The following ANO6 variants were observed in gnomAD, a reference collection of about 807,000 sequenced individuals.
The protein encoded by ANO6 is anoctamin-6.
Under a neutral mutation model 117.5 loss-of-function variants are expected in ANO6, and 106 were observed. That is an observed-to-expected ratio of 0.90 (90% CI 0.77 to 1.06). The LOEUF (loss-of-function observed/expected upper bound fraction) is 1.06. Among genes scored for constraint, ANO6 ranks in the 50% least tolerant of loss-of-function variants. The pLI is 0.00. For missense variants in ANO6, 955 were observed against 1,121.1 expected (o/e 0.85, Z 2.12); for synonymous variants, 367 against 385.1 (o/e 0.95, Z 0.55).
At chr12:45,406,598 AG>A (rs1264529909) in intron 15 of ANO6, among the ~76,000 whole-genome samples, 1 of 152,120 alleles carries the variant, frequency 6.6e-6, no homozygotes, top group African/African-American at 2.4e-5. Flanking sequence ...TTATATAATA[AG>A]AAAAAAGAAC....
chr12:45,222,022 C>T (rs1947408446), intron 1 of ANO6, among the ~76,000 whole-genome samples: 3 of 151,654 alleles, frequency 2.0e-5, no homozygotes, highest in Non-Finnish European at 4.4e-5. Flanking sequence ...GCTGGGACTA[C>T]AGGCCCCCGC....
chr12:45,375,725 A>C (rs1461948282), intron 9 of ANO6, among the ~76,000 whole-genome samples: 35 of 151,370 alleles, frequency 2.3e-4, no homozygotes, highest in Non-Finnish European at 4.6e-4. Flanking sequence ...TAAAGACTTA[A>C]ACGTTAGACC....
chr12:45,225,765 A>G (rs2137128038), intron 1 of ANO6, among the ~76,000 whole-genome samples: 1 of 152,294 alleles, frequency 6.6e-6, no homozygotes, highest in Non-Finnish European at 1.5e-5. Flanking sequence ...CTGGGATTAC[A>G]GGCGTGAGAC....
chr12:45,310,153 G>A (rs78198707), intron 2 of ANO6, among the ~76,000 whole-genome samples: 7,086 of 152,216 alleles, frequency 0.047, 245 homozygotes, highest in Non-Finnish European at 0.076. Flanking sequence ...GGATTGGGGA[G>A]TATGAGCAAA....
intron 1 of ANO6, among the ~76,000 whole-genome samples, chr12:45,283,833 C>T (rs941247695): frequency 2.0e-5 from 3 of 152,270 alleles, no homozygotes; most frequent in South Asian, 4.1e-4. Context: ...CCCACTACCA[C>T]CATCACTGTT....
chr12:45,245,336 A>G (rs1947808218), intron 1 of ANO6, among the ~76,000 whole-genome samples: 1 of 152,110 alleles, frequency 6.6e-6, no homozygotes, highest in African/African-American at 2.4e-5. Context: ...ACTAAAATAT[A>G]ATTTTTAGTA....
intron 1 of ANO6, among the ~76,000 whole-genome samples, chr12:45,222,141 A>G (rs1489658876): frequency 1.3e-5 from 2 of 149,334 alleles, no homozygotes; most frequent in African/African-American, 5.0e-5. Flanking sequence ...TCAGCCTCCC[A>G]AAGTGCTGGA....
intron 19 of ANO6, among the ~76,000 whole-genome samples, chr12:45,439,330 T>C (rs1943743860): frequency 6.6e-6 from 1 of 152,198 alleles, no homozygotes; most frequent in Non-Finnish European, 1.5e-5. Context: ...TCTGAATTTC[T>C]CAATCCCCAT....
chr12:45,408,691 A>G (rs1172168087), intron 15 of ANO6, among the ~76,000 whole-genome samples: 1 of 152,106 alleles, frequency 6.6e-6, no homozygotes, highest in Non-Finnish European at 1.5e-5. Flanking sequence ...GTGCCCTCCA[A>G]TGGCTCCTCA....
chr12:45,242,890 C>G (rs1947767903), intron 1 of ANO6, among the ~76,000 whole-genome samples: 1 of 152,024 alleles, frequency 6.6e-6, no homozygotes, highest in Non-Finnish European at 1.5e-5. Flanking sequence ...TAATCTGCAA[C>G]TAGAATAGAA....
At chr12:45,239,450 G>A (rs890563752) in intron 1 of ANO6, among the ~76,000 whole-genome samples, 1 of 151,356 alleles carries the variant, frequency 6.6e-6, no homozygotes, top group Non-Finnish European at 1.5e-5. Context: ...GATTAGTCTT[G>A]CTAGCGGTCT....
At chr12:45,284,434 A>T (rs934733827) in intron 1 of ANO6, among the ~76,000 whole-genome samples, 48 of 152,242 alleles carry the variant, frequency 3.2e-4, no homozygotes, top group African/African-American at 1.1e-3. Context: ...TTCTGTGGCC[A>T]GCCTCAGGGG....
At chr12:45,357,269 A>G (rs772807445) in intron 7 of ANO6, 21 bp from the exon 8 acceptor site, 6 of 1,612,460 alleles carry the variant, frequency 3.7e-6, no homozygotes, top group African/African-American at 1.3e-5. Context: ...TCTTCTAAAA[A>G]TAATTTCTGT....
chr12:45,310,862 C>G (rs1939826573), intron 2 of ANO6, among the ~76,000 whole-genome samples: 1 of 151,758 alleles, frequency 6.6e-6, no homozygotes, highest in Non-Finnish European at 1.5e-5. Flanking sequence ...AGGCTAAATT[C>G]CCATAAATGG....
chr12:45,403,962 C>CTATA (rs139583905), intron 15 of ANO6, among the ~76,000 whole-genome samples: 7 of 150,582 alleles, frequency 4.6e-5, no homozygotes, highest in African/African-American at 1.7e-4. Context: ...ATATTAAGTG[C>CTATA]TATATATATA....
intron 1 of ANO6, among the ~76,000 whole-genome samples, chr12:45,297,587 ATT>A (rs1939336645): frequency 6.6e-6 from 1 of 152,180 alleles, no homozygotes; most frequent in Non-Finnish European, 1.5e-5. Flanking sequence ...CCAGTGTTGC[ATT>A]ATTAATATGA....
At chr12:45,245,639 A>G (rs1367469221) in intron 1 of ANO6, among the ~76,000 whole-genome samples, 1 of 151,956 alleles carries the variant, frequency 6.6e-6, no homozygotes, top group African/African-American at 2.4e-5. Flanking sequence ...TTACTTCACT[A>G]CTTACTGGTT....
At chr12:45,309,747 A>G (rs1328715749) in intron 2 of ANO6, among the ~76,000 whole-genome samples, 1 of 152,110 alleles carries the variant, frequency 6.6e-6, no homozygotes, top group Non-Finnish European at 1.5e-5. Context: ...CCAGATCTTC[A>G]GGATCAGAAA....
chr12:45,335,780 TG>T (rs909831148), intron 3 of ANO6, among the ~76,000 whole-genome samples: 1 of 152,044 alleles, frequency 6.6e-6, no homozygotes, highest in African/African-American at 2.4e-5. Context: ...TGAAAATTTT[TG>T]TTGCTATTGT....
Sources: gnomAD v4.1 joint callset for allele counts (sites outside exome capture counted in the v4.1 genomes callset) on GRCh38, gnomAD v4.1.1 for gene constraint, MANE v1.5 for transcripts, NCBI Gene and HGNC (gene_info 2026-07-23, HGNC 2026-07-21) for gene names.